RETREG1: variants seen among roughly 807,000 people sequenced by gnomAD.
RETREG1 encodes the protein family with sequence similarity 134 member B.
Under a neutral mutation model 54.8 loss-of-function variants are expected in RETREG1, and 44 were observed. The ratio of observed to expected loss-of-function variants is 0.80; its 90% confidence interval spans 0.63 to 1.03. RETREG1 has a LOEUF of 1.03. Ranked by LOEUF, RETREG1 falls within the 50% of genes least tolerant of loss-of-function variation. RETREG1 has a pLI of 0.00. For missense variants in RETREG1, 554 were observed against 605.1 expected, an observed-to-expected ratio of 0.92 and a Z score of 0.89; for synonymous variants, 217 against 238.5, an observed-to-expected ratio of 0.91 and a Z score of 0.83.
intron 5 of RETREG1, among the ~76,000 whole-genome samples, chr5:16,479,364 T>G (rs555513467): frequency 9.9e-5 from 15 of 152,252 alleles, no homozygotes; most frequent in African/African-American, 3.6e-4. Flanking sequence ...TCTCAAAATT[T>G]ATAGAAAAAT....
In RETREG1 at chr5:16,544,712, G is replaced by A. The variant is rs184469391; in HGVS notation, c.458+21051C>T. On this transcript the variant is annotated intron_variant, in intron 3 of 8. Coordinates refer to ENST00000306320, the MANE Select transcript of RETREG1 (RefSeq NM_001034850.3). Reference sequence around the variant, plus strand: ...ACCAATGAGCTGCCTTTGAACCTTCGTTGGAAATTAGTTGTCATGCATGCG... The same window carrying A: ...ACCAATGAGCTGCCTTTGAACCTTCATTGGAAATTAGTTGTCATGCATGCG... Among the ~76,000 whole-genome samples the A allele has an allele frequency of 6.7e-4, 102 of 152,286 alleles. 1 individual carries two copies. Among genetic ancestry groups the A allele is most frequent in the Admixed American group, 1.5e-3 (23 of 15,298 alleles).
chr5:16,604,832 C>A (rs1191353535), intron 1 of RETREG1, among the ~76,000 whole-genome samples: 1 of 152,184 alleles, frequency 6.6e-6, no homozygotes, highest in Non-Finnish European at 1.5e-5. Flanking sequence ...AATCATTTGG[C>A]AAAACATTTT....
intron 1 of RETREG1, among the ~76,000 whole-genome samples, chr5:16,576,287 T>C (rs1742314360): frequency 6.9e-6 from 1 of 143,888 alleles, no homozygotes; most frequent in Non-Finnish European, 1.5e-5. Flanking sequence ...CAAGATTTTT[T>C]CTTTTTCTTT....
chr5:16,544,645 A>C (rs1221767775), intron 3 of RETREG1, among the ~76,000 whole-genome samples: 1 of 152,164 alleles, frequency 6.6e-6, no homozygotes, highest in Non-Finnish European at 1.5e-5. Context: ...CGGGTATTAA[A>C]TTTTCCTAGA....
At chr5:16,566,274 C>A (rs1020152152) in intron 2 of RETREG1, among the ~76,000 whole-genome samples, 1 of 152,140 alleles carries the variant, frequency 6.6e-6, no homozygotes, top group African/African-American at 2.4e-5. Flanking sequence ...AGAACTAAGA[C>A]AACTGTTATT....
At chr5:16,502,973 A>G (rs1371784967) in intron 3 of RETREG1, among the ~76,000 whole-genome samples, 1 of 152,230 alleles carries the variant, frequency 6.6e-6, no homozygotes, top group Non-Finnish European at 1.5e-5. Context: ...TCAGTCACCA[A>G]GGACAGACCC....
Position 16,478,908 on chromosome 5 carries a change from C to A in RETREG1, c.750G>T (p.Leu250=), listed in dbSNP as rs767329180. The change falls in exon 6 of 9, where the codon CTG becomes CTT. Residue 250 remains leucine (L), a synonymous_variant. Coordinates refer to ENST00000306320, the MANE Select transcript of RETREG1 (RefSeq NM_001034850.3). ...QKIYSKIKSV[L]LKLDFGIGEY... ...CTCCAATTCCAAAATCCAGTTTCAGCAGAACTGACTTAATTTTGCTGTAAA... is the reference window on the plus strand; with the variant it reads ...CTCCAATTCCAAAATCCAGTTTCAGAAGAACTGACTTAATTTTGCTGTAAA... The A allele has an allele frequency of 2.4e-5, 38 of 1,612,156 alleles. No homozygotes were observed. Among genetic ancestry groups the A allele is most frequent in the Non-Finnish European group, 3.2e-5 (38 of 1,178,864 alleles).
intron 3 of RETREG1, among the ~76,000 whole-genome samples, chr5:16,502,786 T>C (rs1290690167): frequency 2.0e-5 from 3 of 152,244 alleles, no homozygotes; most frequent in South Asian, 2.1e-4. Flanking sequence ...ATATGAATAG[T>C]AGTGTACCAG....
chr5:16,609,766 G>T (rs578204809), intron 1 of RETREG1, among the ~76,000 whole-genome samples: 4 of 152,296 alleles, frequency 2.6e-5, no homozygotes, highest in African/African-American at 9.6e-5. Context: ...GCGATCCTGG[G>T]GAGGGGCCTA....
chr5:16,610,719 CCA>C (rs1416214241), intron 1 of RETREG1, among the ~76,000 whole-genome samples: 1 of 152,164 alleles, frequency 6.6e-6, no homozygotes, highest in East Asian at 1.9e-4. Context: ...TCATCTCACA[CCA>C]GTTAGAATGG....
chr5:16,610,593 C>T (rs561332291), intron 1 of RETREG1, among the ~76,000 whole-genome samples: 14 of 152,244 alleles, frequency 9.2e-5, no homozygotes, highest in East Asian at 7.7e-4. Context: ...AAAAAGTGGG[C>T]GAAGGATATG....
chr5:16,540,318 T>C (rs188184240), intron 3 of RETREG1, among the ~76,000 whole-genome samples: 1 of 152,352 alleles, frequency 6.6e-6, no homozygotes, highest in East Asian at 1.9e-4. Context: ...TTAGCCTTGT[T>C]TATTGAGCAG....
At chr5:16,572,213 C>CTTTTT in intron 1 of RETREG1, 111 bp from the exon 2 acceptor site, 2 of 562,278 alleles carry the variant, frequency 3.6e-6, no homozygotes, top group South Asian at 1.9e-5. Context: ...AATGATTTCA[C>CTTTTT]TTTTTTTTTT....
At chr5:16,616,379 G>A in intron 1 of RETREG1, 1 of 491,846 alleles carries the variant, frequency 2.0e-6, no homozygotes, top group Non-Finnish European at 3.6e-6. Context: ...GGGAACACCT[G>A]TAGGTGCAGG....
intron 1 of RETREG1, among the ~76,000 whole-genome samples, chr5:16,608,841 T>C (rs1198524774): frequency 1.3e-5 from 2 of 152,202 alleles, no homozygotes; most frequent in Non-Finnish European, 2.9e-5. Flanking sequence ...TCTCCCAATA[T>C]AATTTTTTCA....
intron 3 of RETREG1, among the ~76,000 whole-genome samples, chr5:16,518,803 G>A (rs1740440738): frequency 6.6e-6 from 1 of 152,074 alleles, no homozygotes; most frequent in African/African-American, 2.4e-5. Context: ...ATACAAGAAA[G>A]AAAATTGAAG....
chr5:16,528,320 A>C (rs533594037), intron 3 of RETREG1, among the ~76,000 whole-genome samples: 1 of 152,336 alleles, frequency 6.6e-6, no homozygotes, highest in East Asian at 1.9e-4. Context: ...GTGATTTTAC[A>C]GAGATTACAA....
chr5:16,592,181 A>G (rs1271946534), intron 1 of RETREG1, among the ~76,000 whole-genome samples: 1 of 152,214 alleles, frequency 6.6e-6, no homozygotes, highest in Non-Finnish European at 1.5e-5. Flanking sequence ...TGTACCAAAA[A>G]AGAATGAACT....
At chr5:16,520,051 C>A (rs541877018) in intron 3 of RETREG1, among the ~76,000 whole-genome samples, 1 of 152,274 alleles carries the variant, frequency 6.6e-6, no homozygotes, top group Admixed American at 6.5e-5. Flanking sequence ...GCCAAGCTAC[C>A]TGGAAAGCAT....
Sources: gnomAD v4.1 joint callset for allele counts (sites outside exome capture counted in the v4.1 genomes callset) on GRCh38, gnomAD v4.1.1 for gene constraint, MANE v1.5 for transcripts, NCBI Gene and HGNC (gene_info 2026-07-23, HGNC 2026-07-21) for gene names.